Variants in TAFA5 observed in about 807,000 individuals in gnomAD.
TAFA5 encodes TAFA chemokine like family member 5, also known as chemokine-like protein TAFA-5.
In TAFA5, 6 loss-of-function variants were observed where a neutral mutation model predicts 15.3. That is an observed-to-expected ratio of 0.39 (90% CI 0.21 to 0.77). The LOEUF (loss-of-function observed/expected upper bound fraction) is 0.77, where lower values mean the gene tolerates loss of function less well. Ranked by LOEUF, TAFA5 falls within the 30% of genes least tolerant of loss-of-function variation. The pLI, the probability that TAFA5 is intolerant of heterozygous loss-of-function variation, is 0.41. For missense variants in TAFA5, 161 were observed against 193.1 expected (o/e 0.83, Z 0.98); for synonymous variants, 103 against 80.7 (o/e 1.28, Z -1.48).
chr22:48,657,803 G>A (rs1927300132), intron 2 of TAFA5, among the ~76,000 whole-genome samples: 3 of 152,148 alleles, frequency 2.0e-5, no homozygotes, highest in Admixed American at 2.0e-4. Context: ...AGGTTTTCAG[G>A]GAGACCCGAT....
chr22:48,563,674 C>G (rs1263403035), intron 1 of TAFA5, among the ~76,000 whole-genome samples: 4 of 152,348 alleles, frequency 2.6e-5, no homozygotes, highest in Admixed American at 2.0e-4. Context: ...ATGGCCTCCT[C>G]CCTCTGAGCA....
intron 1 of TAFA5, among the ~76,000 whole-genome samples, chr22:48,569,621 C>G (rs375845553): frequency 2.6e-5 from 4 of 152,214 alleles, no homozygotes; most frequent in Non-Finnish European, 5.9e-5. Context: ...AGCCACTGTG[C>G]GTTGCCATGG....
chr22:48,612,450 A>G lies in TAFA5; in HGVS notation c.113-34147A>G, dbSNP rs543913189. ...TTTGAGCGTGTGTCAAGGTGTCCCTATAGCACGCCCACCTGTTGCCTTCCC... is the reference window on the plus strand; with the variant it reads ...TTTGAGCGTGTGTCAAGGTGTCCCTGTAGCACGCCCACCTGTTGCCTTCCC... On this transcript the variant is annotated intron_variant, in intron 1 of 3. Transcript: ENST00000402357. 2.6e-5 allele frequency among the ~76,000 whole-genome samples: 4 copies of G among 152,152 alleles called. No homozygotes were observed. In the East Asian group the frequency reaches 7.8e-4, roughly 30 times the overall value.
At chr22:48,715,711 G>A (rs1328703664) in intron 3 of TAFA5, among the ~76,000 whole-genome samples, 2 of 152,182 alleles carry the variant, frequency 1.3e-5, no homozygotes, top group Non-Finnish European at 2.9e-5. Context: ...GGTGGGGCCT[G>A]CTGGCCCGAC....
intron 1 of TAFA5, among the ~76,000 whole-genome samples, chr22:48,633,508 G>C (rs113499434): frequency 1.7e-4 from 10 of 59,306 alleles, no homozygotes; most frequent in African/African-American, 9.6e-4. Context: ...CTGTCTGTCT[G>C]TCTGTCTGTC....
chr22:48,585,029 C>G (rs1452002556), intron 1 of TAFA5, among the ~76,000 whole-genome samples: 1 of 111,754 alleles, frequency 8.9e-6, no homozygotes, highest in African/African-American at 3.7e-5. Flanking sequence ...ACCACACACA[C>G]TAGATACCAC....
intron 1 of TAFA5, among the ~76,000 whole-genome samples, chr22:48,540,775 C>G (rs1922339706): frequency 6.6e-6 from 1 of 151,600 alleles, no homozygotes; most frequent in Non-Finnish European, 1.5e-5. Context: ...TGAAACTTGG[C>G]CTCAATTTTA....
At chr22:48,608,073 A>AGCCAGCCCCTCCCACAGTCCCGGGCT (rs1275366536) in intron 1 of TAFA5, among the ~76,000 whole-genome samples, 1,869 of 144,572 alleles carry the variant, frequency 0.013, 86 homozygotes, top group East Asian at 0.13. Context: ...TGAGGCAGTG[A>AGCCAGCCCCTCCCACAGTCCCGGGCT]GCCAGCCCCT....
chr22:48,530,010 T>A lies in TAFA5; in HGVS notation c.112+40306T>A, dbSNP rs1296262597. Among the ~76,000 whole-genome samples the A allele has an allele frequency of 1.3e-5, 2 of 152,124 alleles. No homozygotes were observed. The highest frequency in any genetic ancestry group is 2.4e-5 in the African/African-American group (1 of 41,418). The stretch of plus-strand genomic sequence containing the variant: ...ATGGATGCAGGGGCTGTGGGCCCTC[T>A]GGACACCCCCTGAGGACTGAGCTTG... On this transcript the variant is annotated intron_variant, in intron 1 of 3. Transcript: ENST00000402357. The surrounding 1 kb of genome is among the most constrained non-coding windows in gnomAD (Gnocchi z 6.0).
At chr22:48,531,850 T>C (rs1248946605) in intron 1 of TAFA5, among the ~76,000 whole-genome samples, 1 of 151,568 alleles carries the variant, frequency 6.6e-6, no homozygotes, top group Non-Finnish European at 1.5e-5. Flanking sequence ...ACCCCCCAAC[T>C]CCCCCGGAAG....
intron 1 of TAFA5, among the ~76,000 whole-genome samples, chr22:48,521,220 G>T (rs1370774445): frequency 6.6e-6 from 1 of 152,224 alleles, no homozygotes; most frequent in Admixed American, 6.5e-5. Context: ...GCTTTTACAG[G>T]CTCATCTGGG....
At chr22:48,648,569 A>C (rs1391259354) in intron 2 of TAFA5, among the ~76,000 whole-genome samples, 8 of 152,168 alleles carry the variant, frequency 5.3e-5, no homozygotes. Context: ...AGCCAGGCGC[A>C]GTAGCTCACG....
At chr22:48,657,559 C>T (rs2147211423) in intron 2 of TAFA5, among the ~76,000 whole-genome samples, 1 of 152,334 alleles carries the variant, frequency 6.6e-6, no homozygotes, top group Middle Eastern at 3.4e-3. Context: ...ACCAAAGTAT[C>T]AGACATCACA....
At chr22:48,511,624 C>T (rs948623599) in intron 1 of TAFA5, among the ~76,000 whole-genome samples, 4 of 152,206 alleles carry the variant, frequency 2.6e-5, no homozygotes, top group African/African-American at 4.8e-5. Context: ...TGTGCAAAGC[C>T]GCATTCGTTC....
chr22:48,498,855 G>A (rs899130021), intron 1 of TAFA5, among the ~76,000 whole-genome samples: 4 of 152,026 alleles, frequency 2.6e-5, no homozygotes, highest in Non-Finnish European at 1.5e-5. Flanking sequence ...GCCCCAGCAA[G>A]CACACTTGTG....
intron 1 of TAFA5, among the ~76,000 whole-genome samples, chr22:48,632,500 A>G (rs1926268509): frequency 1.5e-5 from 2 of 130,586 alleles, no homozygotes; most frequent in East Asian, 3.9e-4. Context: ...CTGCCTGGCC[A>G]GGCTGGGACC....
At chr22:48,544,765 T>G (rs1039161267) in intron 1 of TAFA5, 3 of 471,116 alleles carry the variant, frequency 6.4e-6, no homozygotes, top group African/African-American at 2.0e-5. Flanking sequence ...CTTGGAGAAA[T>G]TGTTGAGTTC....
rs572885694 is a variant in TAFA5, at chr22:48,751,345, A to G, written c.*1498A>G. 1 of 152,556 alleles carries G rather than the reference A, an allele frequency of 6.6e-6. No homozygotes were observed. The highest frequency in any genetic ancestry group is 2.1e-4 in the South Asian group (1 of 4,832). 9.5% of individuals were successfully genotyped at this position (152,556 alleles called of 1,614,324 possible). A position where few individuals can be genotyped will look rare whatever the true frequency, so the allele number is the denominator to read the frequency against. Reference sequence around the variant, plus strand: ...GGGCAGAGGCGCAGGCGGGGCCGGCAGGGCCGAGGAATAAGCGACAATTCT... The same window carrying G: ...GGGCAGAGGCGCAGGCGGGGCCGGCGGGGCCGAGGAATAAGCGACAATTCT... On this transcript the variant is annotated 3_prime_UTR_variant, in exon 4 of 4. Coordinates refer to ENST00000402357, the MANE Select transcript of TAFA5 (RefSeq NM_001082967.3).
At chr22:48,739,199 G>A (rs1176737311) in intron 3 of TAFA5, among the ~76,000 whole-genome samples, 3 of 152,076 alleles carry the variant, frequency 2.0e-5, no homozygotes, top group Non-Finnish European at 2.9e-5. Context: ...ATAGCTATGA[G>A]GCAAAGAGAG....
Sources: gnomAD v4.1 joint callset for allele counts (sites outside exome capture counted in the v4.1 genomes callset) on GRCh38, gnomAD v4.1.1 for gene constraint, Gnocchi (gnomAD v3.1) non-coding constraint, MANE v1.5 for transcripts, NCBI Gene and HGNC (gene_info 2026-07-23, HGNC 2026-07-21) for gene names.